UMODL1: variants seen among roughly 807,000 people sequenced by gnomAD.
UMODL1 encodes the protein uromodulin like 1.
Under a neutral mutation model 136.3 loss-of-function variants are expected in UMODL1, and 128 were observed. That is an observed-to-expected ratio of 0.94 (90% CI 0.81 to 1.09). The LOEUF (loss-of-function observed/expected upper bound fraction) is 1.09. Among genes scored for constraint, UMODL1 ranks in the 50% least tolerant of loss-of-function variants. The probability of loss-of-function intolerance (pLI) is 0.00; values close to 1 mark genes in which losing one functional copy is unlikely to be tolerated. For missense variants in UMODL1, 1,766 were observed against 1,725.6 expected (o/e 1.02, Z -0.41); for synonymous variants, 721 against 720.0 (o/e 1.00, Z -0.02).
chr21:42,110,143 C>T (rs1348117224), intron 10 of UMODL1, among the ~76,000 whole-genome samples: 6 of 152,320 alleles, frequency 3.9e-5, no homozygotes, highest in Non-Finnish European at 5.9e-5. Context: ...CGATGGGGGC[C>T]GCTGAGCTCT....
chr21:42,086,294 T>C (rs759993286), intron 4 of UMODL1, among the ~76,000 whole-genome samples: 6 of 152,376 alleles, frequency 3.9e-5, no homozygotes, highest in Non-Finnish European at 7.3e-5. Context: ...CTTTGGCATC[T>C]GTGTAGCTGT....
At chr21:42,118,886 G>T (rs950892469) in intron 14 of UMODL1, among the ~76,000 whole-genome samples, 5 of 21,710 alleles carry the variant, frequency 2.3e-4, no homozygotes, top group South Asian at 2.5e-3. Context: ...TACTGGTTTG[G>T]GGGGGGAAAC....
Position 42,127,117 on chromosome 21 carries a change from C to T in UMODL1, c.3405C>T (p.Asp1135=), listed in dbSNP as rs375344913. Residue 1135 remains aspartate (D), a synonymous_variant, in exon 19 of 23, where the codon GAC becomes GAT. Transcript: ENST00000408910. ...IPQNYSVSAS[D]DVRIEVGLYR... Reference sequence around the variant, plus strand: ...AGAATTATAGCGTGTCTGCCAGTGACGATGTCAGGATCGAAGTGGGGCTCT... The same window carrying T: ...AGAATTATAGCGTGTCTGCCAGTGATGATGTCAGGATCGAAGTGGGGCTCT... 9.3e-6 allele frequency: 15 copies of T among 1,614,036 alleles called. No individual in the cohort carries two copies. The highest frequency in any genetic ancestry group is 4.5e-5 in the East Asian group (2 of 44,894).
In UMODL1 at chr21:42,090,324, C is replaced by T; in HGVS notation, c.817C>T (p.Leu273Phe). ...QDVNECFYEE[L>F]NACSGRELCA... is the part of the protein sequence containing the mutation. ...TGTCAATGAGTGTTTCTATGAGGAG[C>T]TCAATGCCTGCTCTGGAAGGGAACT... is the stretch of plus-strand genomic sequence containing the variant. The change falls in exon 6 of 23, where the codon CTC (leucine) becomes TTC (phenylalanine). Residue 273 changes from leucine to phenylalanine, a missense_variant. By Grantham distance (22) the Leu-to-Phe change is conservative. Coordinates refer to ENST00000408910, the MANE Select transcript of UMODL1 (RefSeq NM_001004416.3). The T allele has an allele frequency of 1.2e-6, 2 of 1,614,166 alleles. No individual in the cohort carries two copies. The highest frequency in any genetic ancestry group is 1.7e-6 in the Non-Finnish European group (2 of 1,180,042).
intron 20 of UMODL1, 78 bp from the exon 21 acceptor site, chr21:42,129,635 C>G: frequency 1.5e-6 from 2 of 1,312,540 alleles, no homozygotes; most frequent in South Asian, 1.5e-5. Flanking sequence ...ATCACATTAG[C>G]ATCCTTGATA....
chr21:42,106,332 A>G (rs546481298), intron 9 of UMODL1, among the ~76,000 whole-genome samples: 7 of 152,216 alleles, frequency 4.6e-5, no homozygotes, highest in Non-Finnish European at 8.8e-5. Flanking sequence ...ACTCGGCAAA[A>G]AAAACAAGAA....
At position 42,083,491 on chromosome 21, in the gene UMODL1, G is replaced by T. The variant is rs114434773; in HGVS notation, c.320-593G>T. On this transcript the variant is annotated intron_variant, in intron 2 of 22. Coordinates refer to ENST00000408910, the MANE Select transcript of UMODL1 (RefSeq NM_001004416.3). ...CAGGCCTGTACCTCGCCTTGTGGGC[G>T]CCAGGGCTGATGTCTGCAGAGCTGC... 7.6e-3 allele frequency among the ~76,000 whole-genome samples: 1,157 copies of T among 152,302 alleles called. 15 individuals carry two copies. The highest frequency in any genetic ancestry group is 0.027 in the African/African-American group (1,106 of 41,530).
In UMODL1 at chr21:42,122,339, T is replaced by A. The variant is rs1456220393; in HGVS notation, c.2828-492T>A. Reference sequence around the variant, plus strand: ...TCTGGGGGCAAGAAGGGAGCTGGAGTGGGAAGTTTGGGCACAAGGACCTCA... The same window carrying A: ...TCTGGGGGCAAGAAGGGAGCTGGAGAGGGAAGTTTGGGCACAAGGACCTCA... On this transcript the variant is annotated intron_variant, in intron 16 of 22. Transcript: ENST00000408910. This position sits in a 1 kb window ranked among gnomAD's most constrained non-coding sequence, Gnocchi z 4.3. Among the ~76,000 whole-genome samples the A allele has an allele frequency of 6.6e-6, 1 of 151,238 alleles. No homozygotes were observed. Among genetic ancestry groups the A allele is most frequent in the Non-Finnish European group, 1.5e-5 (1 of 67,772 alleles).
intron 2 of UMODL1, among the ~76,000 whole-genome samples, chr21:42,079,686 C>T (rs189371966): frequency 3.6e-4 from 55 of 152,318 alleles, no homozygotes; most frequent in East Asian, 1.5e-3. Flanking sequence ...TCCAATCCCT[C>T]GGGCACCAAA....
In UMODL1 at chr21:42,075,593, G is replaced by A. The variant is rs577480635; in HGVS notation, c.77-412G>A. ...GGGGGACTAAGAGATAGATGTGCAC[G>A]AGATTCTACGGCCTGTGGAATCAGC... is the stretch of plus-strand genomic sequence containing the variant. On this transcript the variant is annotated intron_variant, in intron 1 of 22. Transcript: ENST00000408910. Among the ~76,000 whole-genome samples the A allele has an allele frequency of 7.9e-5, 12 of 152,318 alleles. No individual in the cohort carries two copies. In the South Asian group the frequency reaches 2.1e-3, roughly 26 times the overall value.
chr21:42,087,558 GA>G (rs1389730408), intron 4 of UMODL1, among the ~76,000 whole-genome samples: 1 of 152,212 alleles, frequency 6.6e-6, no homozygotes, highest in Non-Finnish European at 1.5e-5. Flanking sequence ...TTAAACCTCA[GA>G]AAAATAATTG....
chr21:42,094,499 G>A (rs1031235150), intron 6 of UMODL1, among the ~76,000 whole-genome samples: 9 of 152,164 alleles, frequency 5.9e-5, no homozygotes, highest in African/African-American at 1.9e-4. Context: ...TAGATTATCC[G>A]CATTGCCGTG....
In UMODL1 at chr21:42,122,927, C is replaced by A. The variant is rs755351192; in HGVS notation, c.2924C>A (p.Thr975Asn). The A allele has an allele frequency of 6.2e-6, 10 of 1,613,576 alleles. No individual in the cohort carries two copies. The highest frequency in any genetic ancestry group is 2.2e-5 in the East Asian group (1 of 44,886). The change falls in exon 17 of 23, where the codon ACC becomes AAC. Residue 975 changes from threonine to asparagine, a missense_variant. Transcript: ENST00000408910. The surrounding 1 kb of genome is among the most constrained non-coding windows in gnomAD (Gnocchi z 4.3). ...KAAFVQGTSP[T>N]PQGLPQRLNL... ...GCCTTTGTGCAAGGCACCAGCCCCA[C>A]CCCCCAAGGCCTGCCCCAGCGGCTG...
chr21:42,096,479 G>T (rs220308), intron 6 of UMODL1, among the ~76,000 whole-genome samples: 65,325 of 151,988 alleles, frequency 0.43, 15,109 homozygotes, highest in East Asian at 0.54. Flanking sequence ...CCCGTACCCT[G>T]TGAGACTTCT....
At position 42,122,832 on chromosome 21, in the gene UMODL1, T is replaced by C. The variant is rs2066993762; in HGVS notation, c.2829T>C (p.Gly943=). Residue 943 remains glycine (G), a splice_region_variant and synonymous_variant, in exon 17 of 23, where the codon GGT becomes GGC. Transcript: ENST00000408910. This position sits in a 1 kb window ranked among gnomAD's most constrained non-coding sequence, Gnocchi z 4.3. The part of the protein sequence containing the change: ...PVEYSERPCE[G]DSPGNETWAT... Reference sequence around the variant, plus strand: ...CCTTTTCCTCCTTGTGCCTTGCAGGTGACTCTCCTGGCAATGAAACCTGGG... The same window carrying C: ...CCTTTTCCTCCTTGTGCCTTGCAGGCGACTCTCCTGGCAATGAAACCTGGG... 1 of 1,591,478 alleles carries C rather than the reference T, an allele frequency of 6.3e-7. No homozygotes were observed. The highest frequency in any genetic ancestry group is 1.7e-5 in the Admixed American group (1 of 57,710).
At chr21:42,091,292 G>A (rs1303267843) in intron 6 of UMODL1, among the ~76,000 whole-genome samples, 1 of 152,216 alleles carries the variant, frequency 6.6e-6, no homozygotes, top group African/African-American at 2.4e-5. Flanking sequence ...GGAACCACGA[G>A]GATAAGCTGG....
chr21:42,109,485 C>T, intron 9 of UMODL1, 77 bp from the exon 10 acceptor site: 1 of 1,575,506 alleles, frequency 6.3e-7, no homozygotes. Context: ...AGGAAGGACT[C>T]CTTCCAGCAT....
intron 15 of UMODL1, 73 bp downstream of exon 15, chr21:42,119,397 C>T (rs1196682567): frequency 1.8e-5 from 26 of 1,434,772 alleles, no homozygotes; most frequent in African/African-American, 5.7e-5. Context: ...CACCACCCTT[C>T]GCTTTTGAAA....
chr21:42,099,068 A>G lies in UMODL1; in HGVS notation c.1074A>G (p.Thr358=), dbSNP rs1269203369. ...TGGAGTTGCTCAGGAGCGCCAGGAC[A>G]CAGAGCCAGGCACTGGCAGTGGCTG... is the stretch of plus-strand genomic sequence containing the variant. ...RGMELLRSAR[T]QSQALAVAGL... Residue 358 remains threonine (T), a synonymous_variant, in exon 7 of 23, where the codon ACA becomes ACG. Coordinates refer to ENST00000408910, the MANE Select transcript of UMODL1 (RefSeq NM_001004416.3). The surrounding 1 kb of genome is among the most constrained non-coding windows in gnomAD (Gnocchi z 4.1). 4 of 1,614,194 alleles carry G rather than the reference A, an allele frequency of 2.5e-6. No homozygotes were observed. The South Asian group carries it at 3.3e-5, about 13-fold the overall frequency.
Sources: allele counts gnomAD v4.1 joint callset (sites outside exome capture counted in the v4.1 genomes callset), GRCh38; gene constraint gnomAD v4.1.1; non-coding constraint Gnocchi (gnomAD v3.1); transcripts MANE v1.5; gene names NCBI Gene and HGNC (gene_info 2026-07-23, HGNC 2026-07-21).